NECAP1: variants seen among roughly 807,000 people sequenced by gnomAD.
The protein encoded by NECAP1 is adaptin ear-binding coat-associated protein 1.
In NECAP1, 13 loss-of-function variants were observed where a neutral mutation model predicts 33.4. That is an observed-to-expected ratio of 0.39 (90% confidence interval 0.25 to 0.62). The LOEUF is 0.62. NECAP1 is among the 20% of genes least tolerant of loss of function. The pLI is 0.52. For synonymous variants in NECAP1, 109 were observed against 125.2 expected, an observed-to-expected ratio of 0.87 and a Z score of 0.86; for missense variants, 272 against 347.4, an observed-to-expected ratio of 0.78 and a Z score of 1.73.
At chr12:8,083,765 G>A (rs1185974549) in intron 1 of NECAP1, among the ~76,000 whole-genome samples, 1 of 144,114 alleles carries the variant, frequency 6.9e-6, no homozygotes, top group Non-Finnish European at 1.5e-5. Context: ...GAGAGGCAGG[G>A]TCTCGTTCTA....
chr12:8,085,870 AT>A (rs1947485706), intron 1 of NECAP1, among the ~76,000 whole-genome samples: 1 of 151,496 alleles, frequency 6.6e-6, no homozygotes, highest in Non-Finnish European at 1.5e-5. Flanking sequence ...TGCTTGGCTA[AT>A]TTTTTGTATT....
At chr12:8,089,689 G>T in intron 1 of NECAP1, 1 of 455,376 alleles carries the variant, frequency 2.2e-6, no homozygotes, top group Non-Finnish European at 3.9e-6. Context: ...GCTTTTATTC[G>T]TGCTTTTCCA....
At chr12:8,095,190 A>G (rs1947583267) in intron 6 of NECAP1, 1 of 168,372 alleles carries the variant, frequency 5.9e-6, no homozygotes, top group African/African-American at 2.4e-5. Flanking sequence ...CTGCCGTGGC[A>G]TTTGTATACA....
intron 1 of NECAP1, among the ~76,000 whole-genome samples, chr12:8,086,381 G>A (rs982347009): frequency 3.9e-5 from 6 of 152,148 alleles, no homozygotes; most frequent in Admixed American, 3.9e-4. Context: ...GGGAGGCCGA[G>A]GCGCACGGAT....
rs1340255094 is a variant in NECAP1, at chr12:8,090,280, C to A, written c.282C>A (p.Ile94=). 1 of 1,614,142 alleles carries A rather than the reference C, an allele frequency of 6.2e-7. No homozygotes were observed. Among genetic ancestry groups the A allele is most frequent in the Non-Finnish European group, 8.5e-7 (1 of 1,180,018 alleles). Reference sequence around the variant, plus strand: ...CAGATTCTAGCCGCTACTTTGTAATCCGGATCCAGGATGGTACTGGTAAGA... The same window carrying A: ...CAGATTCTAGCCGCTACTTTGTAATACGGATCCAGGATGGTACTGGTAAGA... ...TVTDSSRYFV[I]RIQDGTGRSA... is the part of the protein sequence containing the mutation. The change falls in exon 3 of 8, where the codon ATC becomes ATA. Residue 94 remains isoleucine (I), a synonymous_variant. Coordinates refer to ENST00000339754, the MANE Select transcript of NECAP1 (RefSeq NM_015509.4).
intron 6 of NECAP1, chr12:8,093,408 A>G (rs772169536): frequency 1.0e-4 from 24 of 233,638 alleles, no homozygotes; most frequent in African/African-American, 4.0e-4. Flanking sequence ...TTGAGTTTCA[A>G]TTGCCTTATC....
In NECAP1 at chr12:8,097,219, G is replaced by A. The variant is rs1236236422; in HGVS notation, c.*1129G>A. 1 of 152,598 alleles carries A rather than the reference G, an allele frequency of 6.6e-6. No homozygotes were observed. The highest frequency in any genetic ancestry group is 1.5e-5 in the Non-Finnish European group (1 of 68,032). 9.5% of individuals were successfully genotyped at this position (152,598 alleles called of 1,614,324 possible). A position where few individuals can be genotyped will look rare whatever the true frequency, so the allele number is the denominator to read the frequency against. On this transcript the variant is annotated 3_prime_UTR_variant, in exon 8 of 8. Coordinates refer to ENST00000339754, the MANE Select transcript of NECAP1 (RefSeq NM_015509.4). The stretch of plus-strand genomic sequence containing the variant: ...GTCACCCAGGGTATCTTAAAAGCAA[G>A]TTGTTCTCCCACTACTTTCCTTTCC...
At position 8,092,975 on chromosome 12, in the gene NECAP1, C is replaced by T; in HGVS notation, c.596C>T (p.Pro199Leu). 6.2e-7 allele frequency: 1 copy of T among 1,612,646 alleles called. No individual in the cohort carries two copies. The highest frequency in any genetic ancestry group is 8.5e-7 in the Non-Finnish European group (1 of 1,179,348). Residue 199 changes from proline (P) to leucine (L), a missense_variant, in exon 6 of 8, where the codon CCA becomes CTA. Transcript: ENST00000339754. Reference protein sequence around the residue: ...PPPGGKVTIPPPSSSVAISNH... With the variant: ...PPPGGKVTIPLPSSSVAISNH... ...CCAGGAGGCAAAGTCACTATTCCCC[C>T]ACCATCCTCCTCAGTTGCCATCAGC... is the stretch of plus-strand genomic sequence containing the variant.
chr12:8,093,370 T>C (rs1402681548), intron 6 of NECAP1: 3 of 305,974 alleles, frequency 9.8e-6, no homozygotes, highest in Non-Finnish European at 6.0e-6. Flanking sequence ...TATATTTGAA[T>C]GTGCTTGGTA....
chr12:8,091,980 TC>T, intron 4 of NECAP1, 130 bp downstream of exon 4: 1 of 799,806 alleles, frequency 1.3e-6, no homozygotes. Flanking sequence ...AATATAAATC[TC>T]CCCATTCACT....
rs911736659 is a variant in NECAP1 at position 8,097,067 on chromosome 12, TA to T, written c.*980del. ...TGCCTGGGTATCTGGCCCCTTTCCA[TA>T]AACATTTCTTTTCAGTTCATGTAGT... On this transcript the variant is annotated 3_prime_UTR_variant, in exon 8 of 8. Coordinates refer to ENST00000339754, the MANE Select transcript of NECAP1 (RefSeq NM_015509.4). 4 of 152,654 alleles carry T rather than the reference TA, an allele frequency of 2.6e-5. No homozygotes were observed. Among genetic ancestry groups the T allele is most frequent in the African/African-American group, 9.6e-5 (4 of 41,458 alleles). The allele number at this position is 152,654 out of a possible 1,614,324, so 9.5% of individuals were successfully genotyped here.
Position 8,096,248 on chromosome 12 carries a change from T to G in NECAP1, c.*158T>G, listed in dbSNP as rs1341060744. The G allele has an allele frequency of 1.4e-6, 1 of 712,580 alleles. No homozygotes were observed. The highest frequency in any genetic ancestry group is 2.7e-5 in the East Asian group (1 of 36,632). 44.1% of individuals were successfully genotyped at this position (712,580 alleles called of 1,614,324 possible). A position where few individuals can be genotyped will look rare whatever the true frequency, so the allele number is the denominator to read the frequency against. On this transcript the variant is annotated 3_prime_UTR_variant, in exon 8 of 8. Coordinates refer to ENST00000339754, the MANE Select transcript of NECAP1 (RefSeq NM_015509.4). Reference sequence around the variant, plus strand: ...TCCATCACATTCAAGCTGGTTTATGTCACTCCCCTGTGTTGTTACTTGTAC... The same window carrying G: ...TCCATCACATTCAAGCTGGTTTATGGCACTCCCCTGTGTTGTTACTTGTAC...
rs1565644811 is a variant in NECAP1 at position 8,091,979 on chromosome 12, C to A, written c.383+129C>A. ...AAACTATTTCATTGTGAATATAAATCTCCCCATTCACTTTTGTTTCCTTAG... is the reference window on the plus strand; with the variant it reads ...AAACTATTTCATTGTGAATATAAATATCCCCATTCACTTTTGTTTCCTTAG... On this transcript the variant is annotated intron_variant, in intron 4 of 7. Transcript: ENST00000339754. The A allele has an allele frequency of 1.5e-5, 12 of 803,684 alleles. No individual in the cohort carries two copies. The East Asian group carries it at 3.0e-4, about 20-fold the overall frequency. 49.8% of individuals were successfully genotyped at this position (803,684 alleles called of 1,614,324 possible). A position where few individuals can be genotyped will look rare whatever the true frequency, so the allele number is the denominator to read the frequency against.
chr12:8,094,896 C>T (rs1252863941), intron 6 of NECAP1, among the ~76,000 whole-genome samples: 1 of 152,224 alleles, frequency 6.6e-6, no homozygotes, highest in Non-Finnish European at 1.5e-5. Context: ...CTCATCCTTT[C>T]TTCCCCCATT....
rs1277289720 is a variant in NECAP1, at chr12:8,089,938, C to T, written c.98C>T (p.Ala33Val). 6.2e-7 allele frequency: 1 copy of T among 1,613,532 alleles called. No homozygotes were observed. Among genetic ancestry groups the T allele is most frequent in the Non-Finnish European group, 8.5e-7 (1 of 1,179,490 alleles). The change falls in exon 2 of 8, where the codon GCC (alanine) becomes GTC (valine). Residue 33 changes from alanine (A) to valine (V), a missense_variant and splice_region_variant. Physicochemically the swap from Ala to Val is moderately conservative, Grantham distance 64 (BLOSUM62 0). Coordinates refer to ENST00000339754, the MANE Select transcript of NECAP1 (RefSeq NM_015509.4). ...PPRASNRGYR[A>V]SDWKLDQPDW... ...GGCTTCCTCTTTTCCTGTCCTAGGG[C>T]CTCTGACTGGAAATTAGACCAGCCT...
chr12:8,092,001 T>G, intron 4 of NECAP1, 151 bp downstream of exon 4: 1 of 674,674 alleles, frequency 1.5e-6, no homozygotes, highest in East Asian at 2.8e-5. Context: ...TTTTGTTTCC[T>G]TAGGTCATCT....
chr12:8,094,925 C>G (rs1408461765), intron 6 of NECAP1, among the ~76,000 whole-genome samples: 1 of 152,196 alleles, frequency 6.6e-6, no homozygotes, highest in Non-Finnish European at 1.5e-5. Flanking sequence ...TTGGCAATCA[C>G]CAGTCTGTTC....
chr12:8,092,922 T>TG lies in NECAP1; in HGVS notation c.548dup (p.Leu184SerfsTer36). 6.3e-7 allele frequency: 1 copy of TG among 1,594,234 alleles called. No homozygotes were observed. The highest frequency in any genetic ancestry group is 8.5e-7 in the Non-Finnish European group (1 of 1,170,804). The stretch of plus-strand genomic sequence containing the variant: ...CTTCTAAGCCCAGGACTGCAAGGGG[T>TG]GGGGGTCTGAGCTTACTCCCACCCC... On this transcript the variant is annotated frameshift_variant, in exon 6 of 8. Transcript: ENST00000339754. LOFTEE classifies it high-confidence loss of function.
Position 8,096,191 on chromosome 12 carries a change from C to A in NECAP1, c.*101C>A. On this transcript the variant is annotated 3_prime_UTR_variant, in exon 8 of 8. Coordinates refer to ENST00000339754, the MANE Select transcript of NECAP1 (RefSeq NM_015509.4). ...TAGGAACCCATTTCCTCCCCAGAACCAGAATGACTGGACAATCTTTTTCAT... is the reference window on the plus strand; with the variant it reads ...TAGGAACCCATTTCCTCCCCAGAACAAGAATGACTGGACAATCTTTTTCAT... The A allele has an allele frequency of 8.4e-7, 1 of 1,191,766 alleles. No individual in the cohort carries two copies. The highest frequency in any genetic ancestry group is 1.3e-5 in the South Asian group (1 of 76,008). The allele number at this position is 1,191,766 out of a possible 1,614,324, so 73.8% of individuals were successfully genotyped here.
Sources: gnomAD v4.1 joint callset for allele counts (sites outside exome capture counted in the v4.1 genomes callset) on GRCh38, gnomAD v4.1.1 for gene constraint, MANE v1.5 for transcripts, NCBI Gene and HGNC (gene_info 2026-07-23, HGNC 2026-07-21) for gene names.